GABRG3: variants seen among roughly 807,000 people sequenced by gnomAD.
GABRG3 encodes gamma-aminobutyric acid receptor subunit gamma-3.
A neutral mutation model predicts 48.8 loss-of-function variants in GABRG3; 25 were observed. That is an observed-to-expected ratio of 0.51 (90% CI 0.37 to 0.72). The LOEUF (loss-of-function observed/expected upper bound fraction) is 0.72. Ranked by LOEUF, GABRG3 falls within the 30% of genes least tolerant of loss-of-function variation. The pLI, the probability that GABRG3 is intolerant of heterozygous loss-of-function variation, is 0.00. For synonymous variants in GABRG3, 227 were observed against 217.6 expected, an observed-to-expected ratio of 1.04 and a Z score of -0.38; for missense variants, 394 against 577.9, an observed-to-expected ratio of 0.68 and a Z score of 3.26.
At chr15:27,022,613 G>C (rs1431689236) in intron 2 of GABRG3, among the ~76,000 whole-genome samples, 2 of 152,146 alleles carry the variant, frequency 1.3e-5, no homozygotes, top group African/African-American at 4.8e-5. Flanking sequence ...ACCATGACAG[G>C]ATTCCTTTAA....
chr15:27,290,048 C>A (rs1290572848), intron 3 of GABRG3, among the ~76,000 whole-genome samples: 1 of 152,062 alleles, frequency 6.6e-6, no homozygotes, highest in Non-Finnish European at 1.5e-5. Context: ...GAAGACTCTT[C>A]AATACCTTCT....
At chr15:26,999,383 CA>C in intron 2 of GABRG3, among the ~76,000 whole-genome samples, 1 of 152,226 alleles carries the variant, frequency 6.6e-6, no homozygotes, top group East Asian at 1.9e-4. Flanking sequence ...AATCCCCTGC[CA>C]ATACCAAAGG....
intron 2 of GABRG3, among the ~76,000 whole-genome samples, 195 bp downstream of exon 2, chr15:26,977,345 C>T (rs990147419): frequency 6.6e-6 from 1 of 152,202 alleles, no homozygotes; most frequent in East Asian, 1.9e-4. Context: ...GAACGTGGCT[C>T]TGTGTCATTT....
At chr15:27,116,174 G>C (rs1452220819) in intron 3 of GABRG3, among the ~76,000 whole-genome samples, 1 of 152,188 alleles carries the variant, frequency 6.6e-6, no homozygotes, top group East Asian at 1.9e-4. Context: ...ATCAAGGGTG[G>C]TGAGTTCTGG....
At chr15:27,429,887 T>C (rs1009934618) in intron 5 of GABRG3, among the ~76,000 whole-genome samples, 10 of 152,336 alleles carry the variant, frequency 6.6e-5, no homozygotes, top group African/African-American at 2.2e-4. Flanking sequence ...TGAAAATTCA[T>C]GTGCAGGTTT....
intron 5 of GABRG3, among the ~76,000 whole-genome samples, chr15:27,404,894 G>A (rs1364656222): frequency 6.6e-6 from 1 of 152,214 alleles, no homozygotes; most frequent in South Asian, 2.1e-4. Context: ...AAATGGCATG[G>A]CTCTTTCTGC....
intron 5 of GABRG3, among the ~76,000 whole-genome samples, chr15:27,439,389 T>C (rs1888714419): frequency 6.6e-6 from 1 of 152,214 alleles, no homozygotes; most frequent in Non-Finnish European, 1.5e-5. Flanking sequence ...CATGTAACTC[T>C]CATTTCCAGT....
chr15:27,019,316 C>A (rs541654665), intron 2 of GABRG3, among the ~76,000 whole-genome samples: 1 of 151,948 alleles, frequency 6.6e-6, no homozygotes, highest in African/African-American at 2.4e-5. Context: ...GTGATCCCCC[C>A]GCCTTGGCCT....
chr15:27,033,433 G>T lies in GABRG3; in HGVS notation c.270+6612G>T, dbSNP rs1433374511. ...TTAGGTGTAATAAGGATTGATTCTGGATAGCTAGCAAGGAAGTAAGTTGGA... is the reference window on the plus strand; with the variant it reads ...TTAGGTGTAATAAGGATTGATTCTGTATAGCTAGCAAGGAAGTAAGTTGGA... On this transcript the variant is annotated intron_variant, in intron 3 of 9. Coordinates refer to ENST00000615808, the MANE Select transcript of GABRG3 (RefSeq NM_033223.5). Among the ~76,000 whole-genome samples the T allele has an allele frequency of 3.3e-5, 5 of 152,220 alleles. No individual in the cohort carries two copies. The East Asian group carries it at 9.7e-4, about 29-fold the overall frequency.
Position 27,165,838 on chromosome 15 carries a change from G to A in GABRG3, c.270+139017G>A, listed in dbSNP as rs554452892. Among the ~76,000 whole-genome samples the A allele has an allele frequency of 5.3e-5, 8 of 152,246 alleles. No individual in the cohort carries two copies. The East Asian group carries it at 1.5e-3, about 29-fold the overall frequency. ...CACCTGTCATACCTGTCGCAAAGGA[G>A]GAGGTGGTTGCTAGCCCTAGAGGAA... On this transcript the variant is annotated intron_variant, in intron 3 of 9. Coordinates refer to ENST00000615808, the MANE Select transcript of GABRG3 (RefSeq NM_033223.5).
intron 3 of GABRG3, among the ~76,000 whole-genome samples, chr15:27,205,533 G>T (rs1888824173): frequency 6.6e-6 from 1 of 151,890 alleles, no homozygotes; most frequent in African/African-American, 2.4e-5. Flanking sequence ...TGTTGTTGCT[G>T]TATCTTTGCC....
At chr15:27,354,874 T>C (rs1395946371) in intron 5 of GABRG3, among the ~76,000 whole-genome samples, 1 of 152,260 alleles carries the variant, frequency 6.6e-6, no homozygotes, top group Non-Finnish European at 1.5e-5. Flanking sequence ...ACATGCTCAG[T>C]ACAAAGTCTA....
At chr15:27,384,855 A>T (rs916809120) in intron 5 of GABRG3, among the ~76,000 whole-genome samples, 1 of 152,164 alleles carries the variant, frequency 6.6e-6, no homozygotes, top group Admixed American at 6.6e-5. Context: ...TTTTTTTATC[A>T]TACTACATCA....
intron 3 of GABRG3, among the ~76,000 whole-genome samples, chr15:27,146,403 G>A (rs967458795): frequency 6.6e-6 from 1 of 152,170 alleles, no homozygotes; most frequent in Admixed American, 6.5e-5. Context: ...CTTGCAGTGA[G>A]CTGAGATTGT....
intron 5 of GABRG3, among the ~76,000 whole-genome samples, chr15:27,369,487 A>G (rs1430909009): frequency 5.3e-5 from 8 of 152,210 alleles, no homozygotes; most frequent in Non-Finnish European, 8.8e-5. Context: ...TATTCTAGGA[A>G]TATCTTTGGT....
intron 3 of GABRG3, among the ~76,000 whole-genome samples, chr15:27,118,105 T>G (rs1897673472): frequency 6.6e-6 from 1 of 152,214 alleles, no homozygotes; most frequent in South Asian, 2.1e-4. Context: ...TGCTTTAGTT[T>G]ATAGTCTATC....
chr15:27,352,022 G>A lies in GABRG3; in HGVS notation c.574+23134G>A, dbSNP rs573653941. Among the ~76,000 whole-genome samples, 1 of 149,894 alleles carries A rather than the reference G, an allele frequency of 6.7e-6. No homozygotes were observed. The highest frequency in any genetic ancestry group is 1.5e-5 in the Non-Finnish European group (1 of 67,364). Reference sequence around the variant, plus strand: ...TGTATATATGATGTGTGGGTTTATGGTGTATGCGTGTATAGTGTGTGTGTG... The same window carrying A: ...TGTATATATGATGTGTGGGTTTATGATGTATGCGTGTATAGTGTGTGTGTG... On this transcript the variant is annotated intron_variant, in intron 5 of 9. Transcript: ENST00000615808. This position sits in a 1 kb window ranked among gnomAD's most constrained non-coding sequence, Gnocchi z 4.0.
intron 3 of GABRG3, among the ~76,000 whole-genome samples, chr15:27,184,593 G>T (rs1260440210): frequency 6.6e-6 from 1 of 152,184 alleles, no homozygotes; most frequent in Non-Finnish European, 1.5e-5. Flanking sequence ...AATAATGGAA[G>T]AAATTGTATA....
intron 5 of GABRG3, among the ~76,000 whole-genome samples, chr15:27,366,796 G>A (rs915552777): frequency 2.6e-5 from 4 of 152,142 alleles, no homozygotes; most frequent in Non-Finnish European, 5.9e-5. Context: ...TGCTATGGGT[G>A]ATAATAGAAC....
Sources: gnomAD v4.1 joint callset for allele counts (sites outside exome capture counted in the v4.1 genomes callset) on GRCh38, gnomAD v4.1.1 for gene constraint, Gnocchi (gnomAD v3.1) non-coding constraint, MANE v1.5 for transcripts, NCBI Gene and HGNC (gene_info 2026-07-23, HGNC 2026-07-21) for gene names.